EHD4: variants seen among roughly 807,000 people sequenced by gnomAD.
EHD4 encodes the protein EH domain containing 4.
EHD4 carries 37 observed loss-of-function variants against 51.0 expected under a neutral mutation model. The observed-to-expected ratio is 0.73, with a 90% CI of 0.56 to 0.95. The LOEUF is 0.95. EHD4 is among the 40% of genes least tolerant of loss of function. EHD4 has a pLI of 0.00. For missense variants in EHD4, 632 were observed against 733.1 expected (o/e 0.86, Z 1.59); for synonymous variants, 297 against 317.3 (o/e 0.94, Z 0.68).
chr15:41,938,736 T>C (rs536821204), intron 3 of EHD4, among the ~76,000 whole-genome samples: 11 of 152,382 alleles, frequency 7.2e-5, no homozygotes, highest in Middle Eastern at 3.4e-3. Flanking sequence ...TATTGAAGGC[T>C]ACGCAAAACC....
chr15:41,936,565 T>A (rs1249528921), intron 3 of EHD4, among the ~76,000 whole-genome samples: 1 of 152,212 alleles, frequency 6.6e-6, no homozygotes, highest in Non-Finnish European at 1.5e-5. Context: ...AACATAAATA[T>A]GAAATGCTCT....
At chr15:41,968,460 T>C (rs1210128040) in intron 1 of EHD4, among the ~76,000 whole-genome samples, 1 of 150,394 alleles carries the variant, frequency 6.6e-6, no homozygotes, top group Admixed American at 6.6e-5. Flanking sequence ...CTCCTTTTTT[T>C]TTTTTTTTTT....
chr15:41,939,015 A>G (rs1355827110), intron 3 of EHD4, among the ~76,000 whole-genome samples: 1 of 152,200 alleles, frequency 6.6e-6, no homozygotes. Context: ...GGCCAGCATG[A>G]TAAGAGGTCG....
chr15:41,942,779 G>A (rs2067782671), intron 3 of EHD4: 3 of 296,714 alleles, frequency 1.0e-5, no homozygotes. Flanking sequence ...ACACCCCCGA[G>A]GCCAAGCCAG....
At chr15:41,965,149 G>A (rs1038288842) in intron 1 of EHD4, among the ~76,000 whole-genome samples, 2 of 152,036 alleles carry the variant, frequency 1.3e-5, no homozygotes, top group Non-Finnish European at 2.9e-5. Flanking sequence ...AAGATTTATG[G>A]CCAAAAATGT....
At chr15:41,905,169 C>T (rs1003531815) in intron 5 of EHD4, among the ~76,000 whole-genome samples, 4 of 152,232 alleles carry the variant, frequency 2.6e-5, no homozygotes, top group African/African-American at 7.2e-5. Context: ...CCCACACACG[C>T]GCCCCTCAAA....
At chr15:41,933,059 G>A (rs2067709170) in intron 3 of EHD4, among the ~76,000 whole-genome samples, 1 of 152,188 alleles carries the variant, frequency 6.6e-6, no homozygotes, top group Non-Finnish European at 1.5e-5. Context: ...CTTTATAAAA[G>A]CGGAAAGAGG....
chr15:41,941,286 G>A (rs1297174752), intron 3 of EHD4, among the ~76,000 whole-genome samples: 2 of 152,176 alleles, frequency 1.3e-5, no homozygotes, highest in Non-Finnish European at 2.9e-5. Context: ...TAAAAGGAAT[G>A]AAATAATCTG....
intron 2 of EHD4, among the ~76,000 whole-genome samples, chr15:41,947,165 T>A (rs2067820586): frequency 6.6e-6 from 1 of 152,182 alleles, no homozygotes; most frequent in Non-Finnish European, 1.5e-5. Flanking sequence ...TGGGCTACTA[T>A]CACCATGGCA....
chr15:41,913,256 G>A (rs988331078), intron 4 of EHD4, among the ~76,000 whole-genome samples: 2 of 152,346 alleles, frequency 1.3e-5, no homozygotes, highest in Non-Finnish European at 2.9e-5. Flanking sequence ...TCAGCCTCCA[G>A]AGATCACTCC....
chr15:41,959,916 G>T (rs2067913844), intron 1 of EHD4, among the ~76,000 whole-genome samples: 1 of 147,490 alleles, frequency 6.8e-6, no homozygotes, highest in Admixed American at 6.9e-5. Context: ...GTTGCAGTGA[G>T]CCAAAATTGC....
In EHD4 at chr15:41,901,166, A is replaced by G. The variant is rs2067475598; in HGVS notation, c.1105T>C (p.Tyr369His). 1 of 1,559,074 alleles carries G rather than the reference A, an allele frequency of 6.4e-7. No individual in the cohort carries two copies. The highest frequency in any genetic ancestry group is 2.2e-5 in the East Asian group (1 of 44,460). Reference protein sequence around the residue: ...VKAMQEQLENYDFTKFHSLKP... With the variant: ...VKAMQEQLENHDFTKFHSLKP... The stretch of plus-strand genomic sequence containing the variant: ...AGCGAGTGGAATTTGGTGAAGTCAT[A>G]GTTCTCAAGCTGTTCCTGCAGAAGG... The change falls in exon 6 of 6, where the codon TAT (tyrosine) becomes CAT (histidine). Residue 369 changes from tyrosine to histidine, a missense_variant. Tyr to His is a moderately conservative substitution (Grantham distance 83). Coordinates refer to ENST00000220325, the MANE Select transcript of EHD4 (RefSeq NM_139265.4).
chr15:41,946,558 G>A (rs1401257110), intron 2 of EHD4, among the ~76,000 whole-genome samples: 1 of 152,032 alleles, frequency 6.6e-6, no homozygotes, highest in East Asian at 1.9e-4. Flanking sequence ...ATGAGACTTC[G>A]TCTCTACAAA....
At chr15:41,938,279 G>A (rs773595889) in intron 3 of EHD4, among the ~76,000 whole-genome samples, 1 of 152,168 alleles carries the variant, frequency 6.6e-6, no homozygotes, top group Non-Finnish European at 1.5e-5. Flanking sequence ...CACTACCCAG[G>A]CGCCTTTTTG....
At position 41,952,998 on chromosome 15, in the gene EHD4, C is replaced by CAAAAAA. The variant is rs33930801; in HGVS notation, c.413+760_413+765dup. 6.8e-3 allele frequency among the ~76,000 whole-genome samples: 469 copies of CAAAAAA among 69,070 alleles called. 5 individuals are homozygous for CAAAAAA. The highest frequency in any genetic ancestry group is 0.015 in the South Asian group (20 of 1,334). 45.3% of individuals were successfully genotyped at this position (69,070 alleles called of 152,430 possible). On this transcript the variant is annotated intron_variant, in intron 2 of 5. Transcript: ENST00000220325. ...GAATGAGACTCTATCTTCCCCCCCG[C>CAAAAAA]AAAAAAAAAAAAAAAAAAAAAAACG...
In EHD4 at chr15:41,900,687, G is replaced by A. The variant is rs113393602; in HGVS notation, c.1584C>T (p.Leu528=). ...GGGACTTCCTGTGCGAGGGGGGCAC[G>A]AGGTGGGGGGGCAGGCTGCTGGGCA... ...YELPSSLPPH[L]VPPSHRKSLP... is the part of the protein sequence containing the mutation. The change falls in exon 6 of 6, where the codon CTC becomes CTT. Residue 528 remains leucine, a synonymous_variant. Coordinates refer to ENST00000220325, the MANE Select transcript of EHD4 (RefSeq NM_139265.4). This position sits in a 1 kb window ranked among gnomAD's most constrained non-coding sequence, Gnocchi z 4.8. The A allele has an allele frequency of 0.057, 92,215 of 1,604,412 alleles. 2,938 individuals are homozygous for A. Among genetic ancestry groups the A allele is most frequent in the Admixed American group, 0.071 (4,238 of 59,964 alleles).
intron 3 of EHD4, among the ~76,000 whole-genome samples, chr15:41,926,444 A>G (rs2067661984): frequency 6.6e-6 from 1 of 151,926 alleles, no homozygotes; most frequent in Non-Finnish European, 1.5e-5. Flanking sequence ...TGCCCCCAGC[A>G]CTTTCTGTGT....
rs774762467 is a variant in EHD4 at position 41,919,435 on chromosome 15, CA to C, written c.698del (p.Met233SerfsTer11). 6.3e-7 allele frequency: 1 copy of C among 1,584,150 alleles called. No homozygotes were observed. Among genetic ancestry groups the C allele is most frequent in the Non-Finnish European group, 8.6e-7 (1 of 1,163,828 alleles). The stretch of plus-strand genomic sequence containing the variant: ...ACCACATGAGGGCCCCGTAGACCCG[CA>C]TCAGCTGCTGCGTGTCCACTTGGTC... ...KADQVDTQQL[M>X]RVYGALMWSL... is the part of the protein sequence containing the mutation. On this transcript the variant is annotated frameshift_variant, in exon 4 of 6. Transcript: ENST00000220325. LOFTEE classifies it high-confidence loss of function.
intron 3 of EHD4, among the ~76,000 whole-genome samples, chr15:41,928,076 G>T (rs903830092): frequency 6.6e-6 from 1 of 152,196 alleles, no homozygotes; most frequent in Non-Finnish European, 1.5e-5. Flanking sequence ...AGTCCCTTTA[G>T]TTAATAATAA....
Sources: gnomAD v4.1 joint callset for allele counts (sites outside exome capture counted in the v4.1 genomes callset) on GRCh38, gnomAD v4.1.1 for gene constraint, Gnocchi (gnomAD v3.1) non-coding constraint, MANE v1.5 for transcripts, NCBI Gene and HGNC (gene_info 2026-07-23, HGNC 2026-07-21) for gene names.